KCNQ5: variants seen among roughly 807,000 people sequenced by gnomAD.
The protein encoded by KCNQ5 is potassium voltage-gated channel subfamily Q member 5, also known as potassium voltage-gated channel subfamily KQT member 5.
A neutral mutation model predicts 98.2 loss-of-function variants in KCNQ5; 30 were observed. That is an observed-to-expected ratio of 0.31 (90% CI 0.23 to 0.41). KCNQ5 has a LOEUF of 0.41. Among genes scored for constraint, KCNQ5 ranks in the 10% least tolerant of loss-of-function variants. The pLI, the probability that KCNQ5 is intolerant of heterozygous loss-of-function variation, is 1.00. For synonymous variants in KCNQ5, 458 were observed against 449.4 expected (o/e 1.02, Z -0.24); for missense variants, 835 against 1,182.5 (o/e 0.71, Z 4.31).
intron 1 of KCNQ5, among the ~76,000 whole-genome samples, chr6:72,942,629 T>G (rs1766362265): frequency 6.6e-6 from 1 of 152,216 alleles, no homozygotes; most frequent in Non-Finnish European, 1.5e-5. Flanking sequence ...GAAGTGAAGC[T>G]TCAAAAATAT....
At chr6:72,821,931 C>T (rs753756923) in intron 1 of KCNQ5, among the ~76,000 whole-genome samples, 10 of 152,082 alleles carry the variant, frequency 6.6e-5, no homozygotes, top group East Asian at 1.9e-4. Context: ...TCAAGGAGTT[C>T]GATCTCTGCA....
At chr6:73,167,392 G>A (rs538198308) in intron 10 of KCNQ5, among the ~76,000 whole-genome samples, 4 of 152,306 alleles carry the variant, frequency 2.6e-5, no homozygotes, top group South Asian at 2.1e-4. Flanking sequence ...CTGATACTGC[G>A]TAATGCAATG....
intron 1 of KCNQ5, among the ~76,000 whole-genome samples, chr6:72,692,523 A>C (rs1030096979): frequency 2.0e-5 from 3 of 152,238 alleles, no homozygotes; most frequent in Non-Finnish European, 4.4e-5. Context: ...TAGAGGAATC[A>C]GTGGGTTTTT....
intron 7 of KCNQ5, among the ~76,000 whole-genome samples, chr6:73,117,588 T>C (rs1345696733): frequency 6.6e-6 from 1 of 152,232 alleles, no homozygotes; most frequent in Non-Finnish European, 1.5e-5. Flanking sequence ...TTCTGTTGTT[T>C]TGGATTTTTT....
chr6:72,706,779 A>G (rs989894251), intron 1 of KCNQ5, among the ~76,000 whole-genome samples: 2 of 152,188 alleles, frequency 1.3e-5, no homozygotes, highest in Non-Finnish European at 2.9e-5. Flanking sequence ...AAATGTTCAT[A>G]AAAAGAACAA....
chr6:72,863,981 C>G (rs2150155422), intron 1 of KCNQ5, among the ~76,000 whole-genome samples: 1 of 152,278 alleles, frequency 6.6e-6, no homozygotes, highest in South Asian at 2.1e-4. Flanking sequence ...GTACCTCAGT[C>G]CATATACATC....
chr6:72,923,257 G>T (rs1780486337), intron 1 of KCNQ5, among the ~76,000 whole-genome samples: 1 of 152,178 alleles, frequency 6.6e-6, no homozygotes, highest in South Asian at 2.1e-4. Flanking sequence ...AATAGAAGTA[G>T]AATTGCTAGA....
intron 1 of KCNQ5, among the ~76,000 whole-genome samples, chr6:72,821,838 G>C (rs931320092): frequency 1.3e-5 from 2 of 152,002 alleles, no homozygotes; most frequent in African/African-American, 4.8e-5. Context: ...TGCCAAAGCT[G>C]CCCTCAGAGA....
At chr6:72,981,562 G>A (rs1276065286) in intron 1 of KCNQ5, among the ~76,000 whole-genome samples, 1 of 151,702 alleles carries the variant, frequency 6.6e-6, no homozygotes, top group African/African-American at 2.4e-5. Flanking sequence ...TTCTTTATTA[G>A]TCTTGCTAGT....
intron 10 of KCNQ5, among the ~76,000 whole-genome samples, chr6:73,156,553 A>C (rs1057126735): frequency 2.7e-5 from 4 of 148,820 alleles, no homozygotes; most frequent in African/African-American, 7.5e-5. Context: ...TGAACCCGGG[A>C]GGCAGAGGTT....
rs1384002544 is a variant in KCNQ5, at chr6:73,196,974, C to A, written c.*1560C>A. On this transcript the variant is annotated 3_prime_UTR_variant, in exon 14 of 14. Transcript: ENST00000370398. ...AGATAGCATTTCAATTCAATTAAACCCTAGCCACAGGAGGACTCAAGAAAG... is the reference window on the plus strand; with the variant it reads ...AGATAGCATTTCAATTCAATTAAACACTAGCCACAGGAGGACTCAAGAAAG... 1 of 151,978 alleles carries A rather than the reference C, an allele frequency of 6.6e-6. No homozygotes were observed. Among genetic ancestry groups the A allele is most frequent in the Non-Finnish European group, 1.5e-5 (1 of 68,000 alleles). 9.4% of individuals were successfully genotyped at this position (151,978 alleles called of 1,614,324 possible).
intron 1 of KCNQ5, among the ~76,000 whole-genome samples, chr6:72,802,979 A>C (rs940427226): frequency 2.6e-5 from 4 of 151,966 alleles, no homozygotes; most frequent in Non-Finnish European, 4.4e-5. Context: ...AGCCCTATCA[A>C]CTCCTAGGCT....
intron 1 of KCNQ5, among the ~76,000 whole-genome samples, chr6:72,871,358 A>G (rs1778197799): frequency 6.6e-6 from 1 of 152,214 alleles, no homozygotes; most frequent in African/African-American, 2.4e-5. Context: ...AAACAAATGA[A>G]GTAGATTGCT....
At chr6:73,179,647 C>G (rs1173205179) in intron 11 of KCNQ5, among the ~76,000 whole-genome samples, 1 of 152,104 alleles carries the variant, frequency 6.6e-6, no homozygotes, top group Admixed American at 6.5e-5. Context: ...CACATCCACC[C>G]CACAAACATA....
In KCNQ5 at chr6:72,729,433, G is replaced by A. The variant is rs550223328; in HGVS notation, c.398+106846G>A. Among the ~76,000 whole-genome samples the A allele has an allele frequency of 4.4e-4, 67 of 152,228 alleles. 2 individuals carry two copies. In the South Asian group the frequency reaches 5.8e-3, roughly 13 times the overall value. On this transcript the variant is annotated intron_variant, in intron 1 of 13. Coordinates refer to ENST00000370398, the MANE Select transcript of KCNQ5 (RefSeq NM_019842.4). ...CTCCCAAGTATCTGGGACTACAGGCGTGTGCCACCACACCTGGCTAATTTT... is the reference window on the plus strand; with the variant it reads ...CTCCCAAGTATCTGGGACTACAGGCATGTGCCACCACACCTGGCTAATTTT...
chr6:72,835,354 C>T (rs1776458671), intron 1 of KCNQ5, among the ~76,000 whole-genome samples: 1 of 152,126 alleles, frequency 6.6e-6, no homozygotes, highest in Non-Finnish European at 1.5e-5. Context: ...CTTTCTGCTT[C>T]ATAATCTGGC....
chr6:73,143,520 G>A (rs900305040), intron 10 of KCNQ5: 2 of 152,110 alleles, frequency 1.3e-5, no homozygotes, highest in Non-Finnish European at 2.9e-5. Context: ...TTCACTGTCA[G>A]CCATAGTCCT....
chr6:72,951,319 C>T (rs1034310696), intron 1 of KCNQ5, among the ~76,000 whole-genome samples: 17 of 152,176 alleles, frequency 1.1e-4, no homozygotes, highest in African/African-American at 3.9e-4. Flanking sequence ...CTCTGTCGAC[C>T]AGGCTGGAGT....
At chr6:73,157,296 G>T (rs144640060) in intron 10 of KCNQ5, among the ~76,000 whole-genome samples, 1 of 152,362 alleles carries the variant, frequency 6.6e-6, no homozygotes, top group African/African-American at 2.4e-5. Context: ...CTCCTGGGAG[G>T]CGTTGGAGAA....
Sources: gnomAD v4.1 joint callset for allele counts (sites outside exome capture counted in the v4.1 genomes callset) on GRCh38, gnomAD v4.1.1 for gene constraint, MANE v1.5 for transcripts, NCBI Gene and HGNC (gene_info 2026-07-23, HGNC 2026-07-21) for gene names.